ZNF385C: variants seen among roughly 807,000 people sequenced by gnomAD.
ZNF385C encodes the protein zinc finger protein 385C.
A neutral mutation model predicts 35.4 loss-of-function variants in ZNF385C; 28 were observed. The observed-to-expected ratio is 0.79, with a 90% confidence interval of 0.59 to 1.08. The LOEUF is 1.08. ZNF385C is among the 50% of genes least tolerant of loss of function. The pLI is 0.00. For missense variants in ZNF385C, 605 were observed against 595.6 expected, an observed-to-expected ratio of 1.02 and a Z score of -0.16; for synonymous variants, 248 against 248.2, an observed-to-expected ratio of 1.00 and a Z score of 0.01.
intron 2 of ZNF385C, among the ~76,000 whole-genome samples, chr17:42,049,953 ATCCC>A: frequency 6.6e-6 from 1 of 152,240 alleles, no homozygotes; most frequent in Non-Finnish European, 1.5e-5. Context: ...CATTTACATC[ATCCC>A]AGAAAGTTCT....
chr17:42,086,205 A>G (rs2053805751), intron 1 of ZNF385C, among the ~76,000 whole-genome samples: 1 of 151,738 alleles, frequency 6.6e-6, no homozygotes, highest in African/African-American at 2.4e-5. Flanking sequence ...CAGCCTGCGC[A>G]ACATGGTGAA....
intron 1 of ZNF385C, among the ~76,000 whole-genome samples, chr17:42,074,191 C>T (rs577672292): frequency 1.8e-4 from 27 of 152,328 alleles, no homozygotes; most frequent in African/African-American, 6.3e-4. Context: ...CCTGTCTCCC[C>T]CATGAGGGCA....
intron 2 of ZNF385C, among the ~76,000 whole-genome samples, chr17:42,057,515 T>C (rs7208067): frequency 0.074 from 10,452 of 140,598 alleles, 431 homozygotes; most frequent in African/African-American, 0.15. Context: ...CGCGCGCGCG[T>C]GTGTGTGTGT....
At chr17:42,042,140 G>A (rs142722263) in intron 2 of ZNF385C, among the ~76,000 whole-genome samples, 32 of 152,238 alleles carry the variant, frequency 2.1e-4, no homozygotes, top group African/African-American at 7.5e-4. Context: ...GCGGGGCCAA[G>A]GCAGGAGGAT....
At chr17:42,040,019 C>T in intron 2 of ZNF385C, 2 of 1,231,072 alleles carry the variant, frequency 1.6e-6, no homozygotes, top group Non-Finnish European at 2.0e-6. Context: ...CCGAGCCGCC[C>T]AAGGCCGAAT....
intron 1 of ZNF385C, among the ~76,000 whole-genome samples, chr17:42,090,775 G>A (rs565387658): frequency 2.3e-4 from 35 of 152,192 alleles, no homozygotes; most frequent in African/African-American, 7.9e-4. Context: ...CCAGCTACTC[G>A]GGAGGCTGAG....
chr17:42,069,042 ATCTG>A (rs781812158), intron 1 of ZNF385C, among the ~76,000 whole-genome samples: 11 of 152,186 alleles, frequency 7.2e-5, no homozygotes, highest in African/African-American at 1.4e-4. Flanking sequence ...GTACCCATCC[ATCTG>A]TCTGTCTGTC....
Position 42,063,037 on chromosome 17 carries a change from G to A in ZNF385C, c.20C>T (p.Pro7Leu). 2 of 657,274 alleles carry A rather than the reference G, an allele frequency of 3.0e-6. No individual in the cohort carries two copies. The highest frequency in any genetic ancestry group is 5.5e-6 in the Non-Finnish European group (2 of 366,328). 40.7% of individuals were successfully genotyped at this position (657,274 alleles called of 1,614,324 possible). ...GGTCTCCTTCTCAGCCGGTGGGGGT[G>A]GGCTCAGTGGCCGCTTCATATCTGA... MKRPLS[P>L]PPPAEKETPI... is the part of the protein sequence containing the mutation. Residue 7 changes from proline to leucine, a missense_variant, in exon 2 of 9, where the codon CCA (proline) becomes CTA (leucine). By Grantham distance (98) the Pro-to-Leu change is moderately conservative. Coordinates refer to ENST00000692273, the MANE Select transcript of ZNF385C (RefSeq NM_001392013.1).
rs151087956 is a variant in ZNF385C at position 42,088,373 on chromosome 17, G to A, written c.-3+10037C>T. 1.7e-4 allele frequency among the ~76,000 whole-genome samples: 26 copies of A among 152,340 alleles called. 1 individual carries two copies. In the East Asian group the frequency reaches 3.1e-3, roughly 18 times the overall value. ...CCTCCTCAGGCGCCTGGCCTGGCCC[G>A]GGTGGGCGCAGTGCCCCACACTGAC... On this transcript the variant is annotated intron_variant, in intron 1 of 8. Transcript: ENST00000692273.
intron 3 of ZNF385C, 115 bp downstream of exon 3, chr17:42,037,622 T>C: frequency 7.7e-7 from 1 of 1,298,992 alleles, no homozygotes; most frequent in Non-Finnish European, 1.0e-6. Context: ...TGGGGGATGT[T>C]GGAGAAAAAG....
chr17:42,073,616 G>A (rs62076916), intron 1 of ZNF385C, among the ~76,000 whole-genome samples: 1 of 152,104 alleles, frequency 6.6e-6, no homozygotes, highest in African/African-American at 2.4e-5. Context: ...TTCCTCCCAG[G>A]GAATCAAAGC....
chr17:42,027,044 A>G lies in ZNF385C; in HGVS notation c.1365T>C (p.Cys455=). 6.2e-7 allele frequency: 1 copy of G among 1,609,196 alleles called. No individual in the cohort carries two copies. The highest frequency in any genetic ancestry group is 8.5e-7 in the Non-Finnish European group (1 of 1,177,754). The stretch of plus-strand genomic sequence containing the variant: ...GGAGGGCCAGGGGCCCTGGCAGAGC[A>G]CAGATGGCAGTGGCTGCGGTGGGGA... The part of the protein sequence containing the change: ...SPLPTAATAI[C]ALPGPLALRP... The change falls in exon 9 of 9, where the codon TGT becomes TGC. Residue 455 remains cysteine, a synonymous_variant. Coordinates refer to ENST00000692273, the MANE Select transcript of ZNF385C (RefSeq NM_001392013.1).
At chr17:42,069,248 G>A (rs1302250501) in intron 1 of ZNF385C, among the ~76,000 whole-genome samples, 2 of 147,536 alleles carry the variant, frequency 1.4e-5, no homozygotes, top group Non-Finnish European at 1.5e-5. Context: ...CTGCCTGTGT[G>A]TCCATCAATG....
intron 2 of ZNF385C, among the ~76,000 whole-genome samples, chr17:42,057,237 T>C (rs535523489): frequency 6.6e-6 from 1 of 152,228 alleles, no homozygotes; most frequent in Non-Finnish European, 1.5e-5. Flanking sequence ...TCTCCCAGTT[T>C]ATAAAGTGAG....
intron 1 of ZNF385C, among the ~76,000 whole-genome samples, chr17:42,092,343 G>C (rs148856989): frequency 2.7e-4 from 41 of 152,200 alleles, no homozygotes; most frequent in Admixed American, 3.9e-4. Flanking sequence ...GGAGGTTGCA[G>C]TGAGCTGAGA....
intron 2 of ZNF385C, among the ~76,000 whole-genome samples, chr17:42,041,942 G>T (rs2053032578): frequency 6.6e-6 from 1 of 152,132 alleles, no homozygotes; most frequent in Non-Finnish European, 1.5e-5. Flanking sequence ...GAGAGCATGG[G>T]GACCTTGCTT....
chr17:42,054,794 G>A (rs1555657415), intron 2 of ZNF385C, among the ~76,000 whole-genome samples: 1 of 151,896 alleles, frequency 6.6e-6, no homozygotes, highest in African/African-American at 2.4e-5. Flanking sequence ...GTTGGCTAGG[G>A]TGATCTCGAA....
Position 42,036,925 on chromosome 17 carries a change from G to A in ZNF385C, c.399+812C>T, listed in dbSNP as rs142169668. Among the ~76,000 whole-genome samples the A allele has an allele frequency of 2.2e-3, 334 of 152,258 alleles. 2 individuals carry two copies. In the East Asian group the frequency reaches 0.022, roughly 10 times the overall value. ...TCAGGATGGGGCATGCCACACCCAT[G>A]ATTTCACTTGAGTTTTCAAAATTTA... On this transcript the variant is annotated intron_variant, in intron 3 of 8. Transcript: ENST00000692273.
intron 8 of ZNF385C, 148 bp from the exon 9 acceptor site, chr17:42,027,281 A>C: frequency 1.4e-6 from 1 of 730,970 alleles, no homozygotes; most frequent in South Asian, 1.8e-5. Flanking sequence ...ACCCCCAAAC[A>C]TTCATTCCGA....
Sources: gnomAD v4.1 joint callset for allele counts (sites outside exome capture counted in the v4.1 genomes callset) on GRCh38, gnomAD v4.1.1 for gene constraint, MANE v1.5 for transcripts, NCBI Gene and HGNC (gene_info 2026-07-23, HGNC 2026-07-21) for gene names.